The following TRPM3 variants were observed in gnomAD, a reference collection of about 807,000 sequenced individuals.
TRPM3 encodes long transient receptor potential channel 3.
TRPM3 carries 77 observed loss-of-function variants against 181.2 expected under a neutral mutation model. That is an observed-to-expected ratio of 0.42 (90% CI 0.35 to 0.51). The LOEUF (loss-of-function observed/expected upper bound fraction) is 0.51. Ranked by LOEUF, TRPM3 falls within the 20% of genes least tolerant of loss-of-function variation. The pLI is 0.01. For missense variants in TRPM3, 1,759 were observed against 2,196.7 expected, an observed-to-expected ratio of 0.80 and a Z score of 3.98; for synonymous variants, 745 against 796.4, an observed-to-expected ratio of 0.94 and a Z score of 1.09.
chr9:71,234,669 T>C (rs2081260394), intron 1 of TRPM3, among the ~76,000 whole-genome samples: 1 of 152,170 alleles, frequency 6.6e-6, no homozygotes, highest in South Asian at 2.1e-4. Flanking sequence ...ACACCCACCT[T>C]AATGTCTTCA....
intron 1 of TRPM3, among the ~76,000 whole-genome samples, chr9:71,294,451 T>G (rs2086086760): frequency 6.6e-6 from 1 of 152,048 alleles, no homozygotes; most frequent in Non-Finnish European, 1.5e-5. Flanking sequence ...CTGGCAAAAT[T>G]TAAAAAGCCT....
intron 22 of TRPM3, among the ~76,000 whole-genome samples, chr9:70,564,562 A>T (rs978729568): frequency 2.6e-5 from 4 of 152,216 alleles, no homozygotes; most frequent in Non-Finnish European, 5.9e-5. Context: ...TTAGGGTATT[A>T]GAGTATTCAA....
At chr9:70,975,644 C>T (rs79945982) in intron 1 of TRPM3, among the ~76,000 whole-genome samples, 2,007 of 152,320 alleles carry the variant, frequency 0.013, 29 homozygotes, top group East Asian at 0.077. Context: ...AAGGCAGCTA[C>T]AGCTCAAAGG....
intron 1 of TRPM3, among the ~76,000 whole-genome samples, chr9:71,303,541 T>C (rs2086978393): frequency 1.3e-5 from 2 of 152,206 alleles, no homozygotes; most frequent in Admixed American, 1.3e-4. Flanking sequence ...CCCATACCAC[T>C]AGCTATGATC....
At chr9:71,280,380 T>G (rs895893913) in intron 1 of TRPM3, among the ~76,000 whole-genome samples, 1 of 152,130 alleles carries the variant, frequency 6.6e-6, no homozygotes, top group Non-Finnish European at 1.5e-5. Flanking sequence ...ATGGAAAATT[T>G]CCCAATGGGA....
intron 1 of TRPM3, among the ~76,000 whole-genome samples, chr9:70,943,330 T>C (rs886927391): frequency 2.0e-5 from 3 of 152,250 alleles, no homozygotes; most frequent in Non-Finnish European, 2.9e-5. Context: ...TTATTGAACA[T>C]AGAATTGAAT....
At chr9:71,278,966 C>G (rs1475749579) in intron 1 of TRPM3, among the ~76,000 whole-genome samples, 2 of 146,296 alleles carry the variant, frequency 1.4e-5, no homozygotes, top group African/African-American at 5.1e-5. Flanking sequence ...GAACATACTT[C>G]TCTTTTGGTT....
chr9:70,862,125 A>G (rs2095537883), intron 3 of TRPM3, among the ~76,000 whole-genome samples: 2 of 152,128 alleles, frequency 1.3e-5, no homozygotes. Flanking sequence ...TGACACGCCT[A>G]AGAACAGACA....
chr9:71,277,476 G>A (rs983536338), intron 1 of TRPM3, among the ~76,000 whole-genome samples: 2 of 152,136 alleles, frequency 1.3e-5, no homozygotes, highest in Non-Finnish European at 2.9e-5. Flanking sequence ...GAGGTAAAAG[G>A]CAACAGGTAT....
chr9:71,081,651 T>A (rs545751394), intron 1 of TRPM3, among the ~76,000 whole-genome samples: 22 of 152,202 alleles, frequency 1.4e-4, no homozygotes, highest in Non-Finnish European at 2.5e-4. Flanking sequence ...TAAAAATGCT[T>A]TATGCCATTG....
At chr9:70,647,438 AAACACATGATAATCTTAATAG>A (rs923400759) in intron 9 of TRPM3, among the ~76,000 whole-genome samples, 1 of 152,204 alleles carries the variant, frequency 6.6e-6, no homozygotes, top group South Asian at 2.1e-4. Flanking sequence ...TAAAAACAAA[AAACACATGATAATCTTAATAG>A]ACACAGAAAA....
intron 1 of TRPM3, among the ~76,000 whole-genome samples, chr9:71,428,621 A>T (rs1282188364): frequency 6.6e-6 from 1 of 152,126 alleles, no homozygotes. Context: ...AATCTCTACC[A>T]AGCTTGACAA....
At chr9:71,063,302 T>G (rs887367312) in intron 1 of TRPM3, among the ~76,000 whole-genome samples, 7 of 152,152 alleles carry the variant, frequency 4.6e-5, no homozygotes, top group Admixed American at 4.6e-4. Context: ...ATAGCTTAGC[T>G]GAGTACAGTT....
At chr9:70,994,592 A>G (rs550869075) in intron 1 of TRPM3, among the ~76,000 whole-genome samples, 2 of 152,098 alleles carry the variant, frequency 1.3e-5, no homozygotes, top group East Asian at 3.9e-4. Context: ...GGAAGTATAC[A>G]CATTGATACG....
intron 1 of TRPM3, among the ~76,000 whole-genome samples, chr9:71,142,716 C>T (rs7856339): frequency 0.22 from 31,790 of 145,258 alleles, 3,567 homozygotes; most frequent in African/African-American, 0.31. Context: ...ATTTGCATGA[C>T]AAATTATATT....
At chr9:70,680,705 GGTTTT>G (rs1397066682) in intron 9 of TRPM3, among the ~76,000 whole-genome samples, 1 of 152,128 alleles carries the variant, frequency 6.6e-6, no homozygotes, top group African/African-American at 2.4e-5. Context: ...ACAAGTCTGT[GGTTTT>G]GTTTTGTCTT....
At chr9:71,216,032 A>G (rs57867487) in intron 1 of TRPM3, among the ~76,000 whole-genome samples, 12,674 of 152,210 alleles carry the variant, frequency 0.083, 635 homozygotes, top group Non-Finnish European at 0.11. Context: ...AAGATTTAGT[A>G]TATGTCTATT....
chr9:71,023,333 T>C (rs2097861341), intron 1 of TRPM3, among the ~76,000 whole-genome samples: 1 of 152,074 alleles, frequency 6.6e-6, no homozygotes, highest in African/African-American at 2.4e-5. Flanking sequence ...ATAATAGCAA[T>C]AATACTAAAT....
intron 8 of TRPM3, among the ~76,000 whole-genome samples, chr9:70,753,147 A>G (rs1042150560): frequency 2.6e-5 from 4 of 152,128 alleles, no homozygotes; most frequent in Admixed American, 6.6e-5. Context: ...TCACACAACA[A>G]TGAAATAGCC....
Sources: gnomAD v4.1 joint callset for allele counts (sites outside exome capture counted in the v4.1 genomes callset) on GRCh38, gnomAD v4.1.1 for gene constraint, MANE v1.5 for transcripts, NCBI Gene and HGNC (gene_info 2026-07-23, HGNC 2026-07-21) for gene names.